The following ZNF730 variants were observed in gnomAD, a reference collection of about 807,000 sequenced individuals.
The protein encoded by ZNF730 is putative zinc finger protein 730.
Under a neutral mutation model 12.6 loss-of-function variants are expected in ZNF730, and 12 were observed. The observed-to-expected ratio is 0.95, with a 90% CI of 0.61 to 1.54. ZNF730 has a LOEUF of 1.54. Among genes scored for constraint, ZNF730 ranks in the 40% most tolerant of loss-of-function variants. The pLI, the probability that ZNF730 is intolerant of heterozygous loss-of-function variation, is 0.00. For missense variants in ZNF730, 643 were observed against 583.5 expected (o/e 1.10, Z -1.05); for synonymous variants, 194 against 195.8 (o/e 0.99, Z 0.08).
intron 1 of ZNF730, among the ~76,000 whole-genome samples, chr19:23,077,459 A>C (rs1969884445): frequency 1.3e-5 from 1 of 75,434 alleles, no homozygotes; most frequent in Non-Finnish European, 2.3e-5. Flanking sequence ...TTTTTTTGAG[A>C]TGGCGTTTCA....
intron 1 of ZNF730, 85 bp downstream of exon 1, chr19:23,117,261 C>A: frequency 6.2e-7 from 1 of 1,606,318 alleles, no homozygotes; most frequent in Admixed American, 1.7e-5. Context: ...ACCCAGGCCT[C>A]CCCGCAGTCA....
intron 1 of ZNF730, among the ~76,000 whole-genome samples, chr19:23,089,486 T>C (rs913338284): frequency 1.3e-5 from 2 of 152,050 alleles, no homozygotes; most frequent in African/African-American, 4.8e-5. Flanking sequence ...CGGGGGGAGA[T>C]TATTGAATCG....
chr19:23,102,214 CAG>C (rs927781965), intron 1 of ZNF730, among the ~76,000 whole-genome samples: 3 of 152,184 alleles, frequency 2.0e-5, no homozygotes, highest in African/African-American at 4.8e-5. Context: ...GCCTTGACCA[CAG>C]AGAGGATTGT....
chr19:23,146,640 C>A lies in ZNF730; in HGVS notation c.*84C>A. On this transcript the variant is annotated 3_prime_UTR_variant, in exon 4 of 4. Coordinates refer to ENST00000597761, the MANE Select transcript of ZNF730 (RefSeq NM_001277403.2). ...TAATTCATACTGAAGAGAAACCCTA[C>A]AAATGTGAAGAATGTGGCAAAGCTT... The A allele has an allele frequency of 6.4e-7, 1 of 1,559,386 alleles. No individual in the cohort carries two copies. The highest frequency in any genetic ancestry group is 8.8e-7 in the Non-Finnish European group (1 of 1,132,804).
At chr19:23,127,506 TTGG>T in intron 1 of ZNF730, 1 of 965,784 alleles carries the variant, frequency 1.0e-6, no homozygotes, top group Non-Finnish European at 1.7e-6. Context: ...AAATCAGCTC[TTGG>T]TGGTGCTGGT....
intron 1 of ZNF730, among the ~76,000 whole-genome samples, chr19:23,119,676 G>A (rs1970574742): frequency 6.6e-6 from 1 of 152,120 alleles, no homozygotes; most frequent in African/African-American, 2.4e-5. Context: ...AAGTAGCTGG[G>A]TGTGGTGGTG....
intron 1 of ZNF730, among the ~76,000 whole-genome samples, chr19:23,099,571 C>T (rs773568619): frequency 5.3e-5 from 8 of 152,196 alleles, no homozygotes; most frequent in Non-Finnish European, 7.4e-5. Flanking sequence ...GTTGATGACT[C>T]TTTAACCAAA....
chr19:23,080,487 A>G (rs1047833074), intron 1 of ZNF730, among the ~76,000 whole-genome samples: 3 of 149,218 alleles, frequency 2.0e-5, no homozygotes, highest in Non-Finnish European at 4.5e-5. Context: ...GTGATTCTCT[A>G]CCTCAGCCTT....
chr19:23,111,681 G>A (rs1329247672), intron 1 of ZNF730, among the ~76,000 whole-genome samples: 5 of 151,884 alleles, frequency 3.3e-5, no homozygotes, highest in Non-Finnish European at 7.4e-5. Context: ...CCCAGGAGGC[G>A]GAGGTTTCAG....
chr19:23,109,253 C>T (rs903241701), intron 1 of ZNF730, among the ~76,000 whole-genome samples: 23 of 151,432 alleles, frequency 1.5e-4, no homozygotes, highest in African/African-American at 4.6e-4. Context: ...TTTTTTGAGA[C>T]GGAGTCTTGC....
intron 1 of ZNF730, among the ~76,000 whole-genome samples, chr19:23,109,972 A>ATT (rs1014938398): frequency 6.8e-6 from 1 of 148,060 alleles, no homozygotes; most frequent in African/African-American, 2.5e-5. Flanking sequence ...CTTTATAACC[A>ATT]TTTTTTTTTT....
chr19:23,139,766 C>G (rs988408887), intron 3 of ZNF730, among the ~76,000 whole-genome samples: 1 of 152,078 alleles, frequency 6.6e-6, no homozygotes, highest in Non-Finnish European at 1.5e-5. Flanking sequence ...CTCAGGTGCT[C>G]CACACACCTC....
chr19:23,093,914 T>C (rs192193586), intron 1 of ZNF730, among the ~76,000 whole-genome samples: 225 of 152,334 alleles, frequency 1.5e-3, no homozygotes, highest in Admixed American at 5.0e-3. Context: ...CCAGTTGGCT[T>C]TTCCTTCTGT....
At chr19:23,084,776 T>A (rs1970029598) in intron 1 of ZNF730, among the ~76,000 whole-genome samples, 1 of 152,128 alleles carries the variant, frequency 6.6e-6, no homozygotes, top group Non-Finnish European at 1.5e-5. Flanking sequence ...TCCACATGCC[T>A]GCAAAGGACA....
At chr19:23,095,714 A>G in intron 1 of ZNF730, 4 of 347,310 alleles carry the variant, frequency 1.2e-5, no homozygotes, top group Non-Finnish European at 1.5e-5. Context: ...ATTGTGACAT[A>G]CCTCTGGGCC....
rs192890059 is a variant in ZNF730 at position 23,126,820 on chromosome 19, G to C, written c.4-7260G>C. 36 of 540,918 alleles carry C rather than the reference G, an allele frequency of 6.7e-5. No individual in the cohort carries two copies. The East Asian group carries it at 1.8e-3, about 27-fold the overall frequency. 33.5% of individuals were successfully genotyped at this position (540,918 alleles called of 1,614,324 possible). A position where few individuals can be genotyped will look rare whatever the true frequency, so the allele number is the denominator to read the frequency against. On this transcript the variant is annotated intron_variant, in intron 1 of 3. Coordinates refer to ENST00000597761, the MANE Select transcript of ZNF730 (RefSeq NM_001277403.2). ...TTATTTTTTGCTCTTGCTTTATCCA[G>C]TGCTATATTAGCATTTTCATAATCC...
intron 1 of ZNF730, among the ~76,000 whole-genome samples, chr19:23,088,144 C>T (rs954058689): frequency 4.6e-5 from 7 of 151,946 alleles, no homozygotes; most frequent in African/African-American, 1.2e-4. Context: ...CTCAGCCTCC[C>T]GAGCAGCTGG....
Position 23,145,448 on chromosome 19 carries a change from AGT to A in ZNF730, c.407_408del (p.Cys136PhefsTer6). 6.4e-7 allele frequency: 1 copy of A among 1,574,358 alleles called. No individual in the cohort carries two copies. Among genetic ancestry groups the A allele is most frequent in the Non-Finnish European group, 8.6e-7 (1 of 1,161,266 alleles). Reference sequence around the variant, plus strand: ...AAAAAAGGTTATAATAGACATAACCAGTGTTTGACAACTTCCCATAGCAAAAT... The same window carrying A: ...AAAAAAGGTTATAATAGACATAACCAGTTTGACAACTTCCCATAGCAAAAT... On this transcript the variant is annotated frameshift_variant, in exon 4 of 4. Coordinates refer to ENST00000597761, the MANE Select transcript of ZNF730 (RefSeq NM_001277403.2). LOFTEE classifies it low-confidence loss of function (END_TRUNC).
chr19:23,122,308 T>C (rs940249291), intron 1 of ZNF730, among the ~76,000 whole-genome samples: 9 of 151,910 alleles, frequency 5.9e-5, no homozygotes, highest in Non-Finnish European at 1.2e-4. Context: ...CCTTGACTAA[T>C]TTTTTTATAT....
Sources: allele counts gnomAD v4.1 joint callset (sites outside exome capture counted in the v4.1 genomes callset), GRCh38; gene constraint gnomAD v4.1.1; transcripts MANE v1.5; gene names NCBI Gene and HGNC (gene_info 2026-07-23, HGNC 2026-07-21).